The following TSHR variants were observed in gnomAD, a reference collection of about 807,000 sequenced individuals.
TSHR encodes the protein thyroid stimulating hormone receptor, also known as thyrotropin receptor.
In TSHR, 51 loss-of-function variants were observed where a neutral mutation model predicts 64.1. The ratio of observed to expected loss-of-function variants is 0.80; its 90% confidence interval spans 0.64 to 1.01. The LOEUF (loss-of-function observed/expected upper bound fraction) is 1.01, where lower values mean the gene tolerates loss of function less well. TSHR is among the 50% of genes least tolerant of loss of function. TSHR has a pLI of 0.00. For synonymous variants in TSHR, 361 were observed against 361.9 expected, an observed-to-expected ratio of 1.00 and a Z score of 0.03; for missense variants, 877 against 942.8, an observed-to-expected ratio of 0.93 and a Z score of 0.91.
intron 1 of TSHR, among the ~76,000 whole-genome samples, chr14:80,979,876 T>C (rs144497156): frequency 2.5e-3 from 374 of 148,338 alleles, no homozygotes; most frequent in Non-Finnish European, 3.8e-3. Flanking sequence ...GAGTTTCTTT[T>C]GTTCTTGCTA....
intron 7 of TSHR, among the ~76,000 whole-genome samples, chr14:81,098,063 A>G (rs1230590108): frequency 2.0e-5 from 3 of 152,176 alleles, no homozygotes; most frequent in Non-Finnish European, 4.4e-5. Flanking sequence ...TCTACTTTTC[A>G]ACATATTTAT....
At chr14:81,137,002 C>A (rs1305281898) in intron 8 of TSHR, among the ~76,000 whole-genome samples, 1 of 152,166 alleles carries the variant, frequency 6.6e-6, no homozygotes, top group Non-Finnish European at 1.5e-5. Flanking sequence ...TATGACTCCA[C>A]CCTTGGTTCA....
At chr14:81,026,937 G>A (rs1884090417) in intron 1 of TSHR, among the ~76,000 whole-genome samples, 1 of 151,640 alleles carries the variant, frequency 6.6e-6, no homozygotes, top group Non-Finnish European at 1.5e-5. Flanking sequence ...TTGGGAGGCT[G>A]AGGCAGGGGA....
At chr14:81,100,310 G>T (rs1357905632) in intron 7 of TSHR, among the ~76,000 whole-genome samples, 2 of 152,212 alleles carry the variant, frequency 1.3e-5, no homozygotes, top group Middle Eastern at 3.4e-3. Context: ...GCATCTCTCT[G>T]GTCTGGTGTT....
At chr14:81,059,041 G>A (rs553351466) in intron 1 of TSHR, among the ~76,000 whole-genome samples, 1 of 152,164 alleles carries the variant, frequency 6.6e-6, no homozygotes, top group Admixed American at 6.6e-5. Context: ...CTCCACAAAG[G>A]TTATGTGCAT....
At chr14:80,957,285 C>T (rs145563337) in intron 1 of TSHR, among the ~76,000 whole-genome samples, 1 of 152,210 alleles carries the variant, frequency 6.6e-6, no homozygotes, top group East Asian at 1.9e-4. Flanking sequence ...GCTATACCCC[C>T]CTTCCCAACA....
intron 1 of TSHR, among the ~76,000 whole-genome samples, chr14:80,958,512 C>T (rs988904359): frequency 3.3e-5 from 5 of 151,972 alleles, no homozygotes; most frequent in South Asian, 2.1e-4. Flanking sequence ...CTGATAACCT[C>T]GGGGGCTATT....
At chr14:81,113,518 A>G (rs556993250) in intron 8 of TSHR, among the ~76,000 whole-genome samples, 1 of 152,336 alleles carries the variant, frequency 6.6e-6, no homozygotes, top group East Asian at 1.9e-4. Flanking sequence ...AAGAAATCTC[A>G]AAAAATGAAT....
intron 1 of TSHR, among the ~76,000 whole-genome samples, chr14:81,006,359 T>C (rs570349484): frequency 6.6e-6 from 1 of 152,290 alleles, no homozygotes; most frequent in East Asian, 1.9e-4. Flanking sequence ...CTCCTTGTCT[T>C]GCCCATGGCC....
At position 81,089,223 on chromosome 14, in the gene TSHR, GGT is replaced by G. The variant is rs1219683112; in HGVS notation, c.392+1197_392+1198del. Among the ~76,000 whole-genome samples the G allele has an allele frequency of 7.9e-5, 12 of 152,112 alleles. No individual in the cohort carries two copies. In the South Asian group the frequency reaches 1.7e-3, roughly 21 times the overall value. ...GGCTGGTGTCGAACTCCTGACCTCA[GGT>G]GATCCACCCGCCTCAGCCTCCCAAA... On this transcript the variant is annotated intron_variant, in intron 4 of 9. Coordinates refer to ENST00000298171, the MANE Select transcript of TSHR (RefSeq NM_000369.5).
At chr14:80,979,841 A>AT (rs990203819) in intron 1 of TSHR, among the ~76,000 whole-genome samples, 12 of 152,092 alleles carry the variant, frequency 7.9e-5, no homozygotes, top group Middle Eastern at 3.4e-3. Flanking sequence ...CACCACTAAC[A>AT]TTTTTTTCCA....
chr14:80,959,644 A>T (rs1230070879), intron 1 of TSHR: 1 of 152,072 alleles, frequency 6.6e-6, no homozygotes, highest in Non-Finnish European at 1.5e-5. Flanking sequence ...CTCCAACCCC[A>T]CTGCCATCTG....
intron 1 of TSHR, chr14:81,052,372 C>A (rs548431044): frequency 6.6e-6 from 1 of 152,260 alleles, no homozygotes; most frequent in Non-Finnish European, 1.5e-5. Context: ...GTGCGTTTAT[C>A]TGGGGACTCT....
intron 7 of TSHR, among the ~76,000 whole-genome samples, chr14:81,107,670 T>A (rs972793164): frequency 6.6e-6 from 1 of 152,186 alleles, no homozygotes; most frequent in African/African-American, 2.4e-5. Context: ...GAGATTACTC[T>A]GTAATCTCAT....
chr14:81,090,089 A>G (rs771182987), intron 4 of TSHR, among the ~76,000 whole-genome samples: 2 of 151,580 alleles, frequency 1.3e-5, no homozygotes, highest in Non-Finnish European at 2.9e-5. Flanking sequence ...TAGCTGCAAC[A>G]AATGTTAAAA....
At chr14:81,123,807 T>C (rs1890904687) in intron 8 of TSHR, among the ~76,000 whole-genome samples, 1 of 152,226 alleles carries the variant, frequency 6.6e-6, no homozygotes, top group South Asian at 2.1e-4. Flanking sequence ...CTTATAAATT[T>C]AGTTTGGAAG....
chr14:81,057,596 A>T (rs1407618501), intron 1 of TSHR, among the ~76,000 whole-genome samples: 1 of 152,234 alleles, frequency 6.6e-6, no homozygotes, highest in African/African-American at 2.4e-5. Flanking sequence ...TTCTATACTC[A>T]CATAGAATAG....
intron 1 of TSHR, chr14:80,994,512 A>C (rs1326740626): frequency 1.3e-5 from 2 of 152,206 alleles, no homozygotes; most frequent in South Asian, 2.1e-4. Context: ...AAACAGCCTG[A>C]TACTCGTACA....
intron 3 of TSHR, among the ~76,000 whole-genome samples, chr14:81,086,846 C>A (rs1318160152): frequency 1.3e-5 from 2 of 152,158 alleles, no homozygotes; most frequent in African/African-American, 4.8e-5. Flanking sequence ...TTATATGATT[C>A]CATTTATATG....
Sources: gnomAD v4.1 joint callset for allele counts (sites outside exome capture counted in the v4.1 genomes callset) on GRCh38, gnomAD v4.1.1 for gene constraint, MANE v1.5 for transcripts, NCBI Gene and HGNC (gene_info 2026-07-23, HGNC 2026-07-21) for gene names.